FAR2: variants seen among roughly 807,000 people sequenced by gnomAD.
The protein encoded by FAR2 is fatty acyl-CoA reductase 2.
In FAR2, 19 loss-of-function variants were observed where a neutral mutation model predicts 56.0. The ratio of observed to expected loss-of-function variants is 0.34; its 90% CI spans 0.24 to 0.50. FAR2 has a LOEUF of 0.50. FAR2 is among the 20% of genes least tolerant of loss of function. The pLI, the probability that FAR2 is intolerant of heterozygous loss-of-function variation, is 0.98. For missense variants in FAR2, 508 were observed against 642.2 expected (o/e 0.79, Z 2.26); for synonymous variants, 219 against 218.8 (o/e 1.00, Z -0.01).
At chr12:29,299,213 C>CAAAAAAAAAAAAAAAAAAAAGA (rs1949119121) in intron 4 of FAR2, among the ~76,000 whole-genome samples, 1 of 103,572 alleles carries the variant, frequency 9.7e-6, no homozygotes, top group Non-Finnish European at 1.9e-5. Context: ...AACTTTGTCT[C>CAAAAAAAAAAAAAAAAAAAAGA]AAAAAAAAAA....
At chr12:29,195,662 C>T (rs1358180242) in intron 1 of FAR2, among the ~76,000 whole-genome samples, 1 of 152,046 alleles carries the variant, frequency 6.6e-6, no homozygotes, top group Non-Finnish European at 1.5e-5. Context: ...CAGAGAAAAA[C>T]CTCTTCTTAA....
intron 1 of FAR2, among the ~76,000 whole-genome samples, chr12:29,232,192 T>A (rs1947870146): frequency 6.6e-6 from 1 of 152,146 alleles, no homozygotes; most frequent in Non-Finnish European, 1.5e-5. Context: ...TCTCACCAAC[T>A]TTCCCCTTGA....
chr12:29,287,179 A>C (rs77727851), intron 2 of FAR2, among the ~76,000 whole-genome samples: 3,190 of 152,284 alleles, frequency 0.021, 42 homozygotes, highest in Non-Finnish European at 0.034. Flanking sequence ...ATAACTGTTG[A>C]ATGAGAATCT....
At position 29,311,878 on chromosome 12, in the gene FAR2, T is replaced by G. The variant is rs1158505582; in HGVS notation, c.888-5T>G. 1.3e-6 allele frequency: 2 copies of G among 1,593,648 alleles called. No homozygotes were observed. The highest frequency in any genetic ancestry group is 1.8e-5 in the Admixed American group (1 of 56,808). ...TACTTATCTAATTTTTATTTCATTT[T>G]CCAGACCTAAGTCAACATTAGTCTA... On this transcript the variant is annotated splice_polypyrimidine_tract_variant and splice_region_variant and intron_variant, in intron 7 of 11. Transcript: ENST00000536681.
At chr12:29,156,549 T>G (rs970945330) in intron 1 of FAR2, 14 of 152,222 alleles carry the variant, frequency 9.2e-5, no homozygotes, top group African/African-American at 3.4e-4. Flanking sequence ...AAATTAAATC[T>G]AATATAACTT....
chr12:29,236,090 G>A (rs1345893424), intron 1 of FAR2, among the ~76,000 whole-genome samples: 2 of 152,054 alleles, frequency 1.3e-5, no homozygotes, highest in Non-Finnish European at 2.9e-5. Context: ...AGAGGTGATG[G>A]AAATGCTAAA....
chr12:29,193,436 T>C (rs1000031571), intron 1 of FAR2, among the ~76,000 whole-genome samples: 1 of 152,212 alleles, frequency 6.6e-6, no homozygotes, highest in Admixed American at 6.5e-5. Context: ...CAACCACTGA[T>C]CATTTTTACT....
chr12:29,299,450 G>A (rs557194166), intron 4 of FAR2, among the ~76,000 whole-genome samples: 1 of 152,198 alleles, frequency 6.6e-6, no homozygotes, highest in African/African-American at 2.4e-5. Flanking sequence ...GACAAGGCAG[G>A]TAATTGCTAC....
chr12:29,203,241 A>G (rs1010407164), intron 1 of FAR2, among the ~76,000 whole-genome samples: 1 of 152,180 alleles, frequency 6.6e-6, no homozygotes, highest in South Asian at 2.1e-4. Flanking sequence ...GTGACATTCT[A>G]ACAAGCCAGG....
chr12:29,187,066 G>A (rs1048654738), intron 1 of FAR2, among the ~76,000 whole-genome samples: 11 of 152,158 alleles, frequency 7.2e-5, no homozygotes, highest in Non-Finnish European at 1.3e-4. Flanking sequence ...GGGATTACAG[G>A]TGTGAGCCAC....
chr12:29,299,213 C>CAAAAAAAAAAAAAAAAAAAAAAAA (rs71042981), intron 4 of FAR2, among the ~76,000 whole-genome samples: 9 of 103,554 alleles, frequency 8.7e-5, no homozygotes, highest in East Asian at 2.6e-4. Context: ...AACTTTGTCT[C>CAAAAAAAAAAAAAAAAAAAAAAAA]AAAAAAAAAA....
chr12:29,228,746 C>A (rs749488576), intron 1 of FAR2, among the ~76,000 whole-genome samples: 1 of 152,162 alleles, frequency 6.6e-6, no homozygotes, highest in Non-Finnish European at 1.5e-5. Flanking sequence ...CGCCACCATG[C>A]CTGGCTAATT....
chr12:29,186,755 A>ATTTATTAT (rs1481530321), intron 1 of FAR2, among the ~76,000 whole-genome samples: 1,334 of 46,326 alleles, frequency 0.029, 12 homozygotes, highest in South Asian at 0.13. Context: ...TTCTTTATTT[A>ATTTATTAT]TTATTTATTT....
chr12:29,154,222 A>G (rs557391838), intron 1 of FAR2, among the ~76,000 whole-genome samples: 1 of 152,286 alleles, frequency 6.6e-6, no homozygotes, highest in East Asian at 1.9e-4. Flanking sequence ...ATTCCAAAAC[A>G]TAATTTACTC....
intron 1 of FAR2, among the ~76,000 whole-genome samples, chr12:29,181,800 T>C (rs537501613): frequency 2.6e-5 from 4 of 152,348 alleles, no homozygotes; most frequent in Non-Finnish European, 4.4e-5. Context: ...ATTCTACCTA[T>C]TGGCATTTAA....
Position 29,262,654 on chromosome 12 carries a change from T to A in FAR2, c.-38-7758T>A, listed in dbSNP as rs1004280552. On this transcript the variant is annotated intron_variant, in intron 1 of 11. Transcript: ENST00000536681. ...TTCAAAAAATAAGTAAGTAAATAAA[T>A]AAATAAATAAAGCAAGAAATTAAAT... 2.0e-5 allele frequency among the ~76,000 whole-genome samples: 3 copies of A among 151,414 alleles called. No homozygotes were observed. The East Asian group carries it at 5.8e-4, about 29-fold the overall frequency.
intron 1 of FAR2, among the ~76,000 whole-genome samples, chr12:29,253,329 A>ATAGATATCTATATATCTATATCTATC (rs1948260821): frequency 7.5e-6 from 1 of 132,808 alleles, no homozygotes. Flanking sequence ...ATCTATCTAG[A>ATAGATATCTATATATCTATATCTATC]TAGATATCTA....
intron 4 of FAR2, among the ~76,000 whole-genome samples, 183 bp from the exon 5 acceptor site, chr12:29,307,474 GT>G (rs1421324411): frequency 6.6e-6 from 1 of 150,896 alleles, no homozygotes; most frequent in African/African-American, 2.4e-5. Flanking sequence ...GGGCTTAGCA[GT>G]GAAGAGCAAA....
chr12:29,257,422 A>C (rs975318133), intron 1 of FAR2, among the ~76,000 whole-genome samples: 1 of 152,206 alleles, frequency 6.6e-6, no homozygotes, highest in African/African-American at 2.4e-5. Flanking sequence ...AATCAGCAGG[A>C]TGTGGGTGGG....
Sources: gnomAD v4.1 joint callset for allele counts (sites outside exome capture counted in the v4.1 genomes callset) on GRCh38, gnomAD v4.1.1 for gene constraint, MANE v1.5 for transcripts, NCBI Gene and HGNC (gene_info 2026-07-23, HGNC 2026-07-21) for gene names.